Variants in DNM3 observed in about 807,000 individuals in gnomAD.
The protein encoded by DNM3 is dynamin-3.
A neutral mutation model predicts 101.6 loss-of-function variants in DNM3; 47 were observed. The observed-to-expected ratio is 0.46, with a 90% confidence interval of 0.37 to 0.59. The LOEUF is 0.59. Among genes scored for constraint, DNM3 ranks in the 20% least tolerant of loss-of-function variants. DNM3 has a pLI of 0.00. For missense variants in DNM3, 849 were observed against 1,085.7 expected, an observed-to-expected ratio of 0.78 and a Z score of 3.06; for synonymous variants, 385 against 387.9, an observed-to-expected ratio of 0.99 and a Z score of 0.09.
chr1:172,096,106 A>G (rs1558562075), intron 13 of DNM3, among the ~76,000 whole-genome samples: 1 of 152,218 alleles, frequency 6.6e-6, no homozygotes, highest in Non-Finnish European at 1.5e-5. Context: ...CTGACCCTTC[A>G]GGTCTTACTG....
At chr1:172,254,040 C>CAA (rs1344105460) in intron 15 of DNM3, among the ~76,000 whole-genome samples, 1 of 152,076 alleles carries the variant, frequency 6.6e-6, no homozygotes, top group Non-Finnish European at 1.5e-5. Context: ...CTCCTGGGCT[C>CAA]AAGCAATACT....
At chr1:172,351,378 A>T (rs956593365) in intron 17 of DNM3, among the ~76,000 whole-genome samples, 6 of 152,166 alleles carry the variant, frequency 3.9e-5, no homozygotes, top group African/African-American at 1.4e-4. Flanking sequence ...ATTTGTTAAA[A>T]TTTTAATATA....
At chr1:172,270,555 A>G (rs570031669) in intron 15 of DNM3, among the ~76,000 whole-genome samples, 1 of 152,254 alleles carries the variant, frequency 6.6e-6, no homozygotes, top group African/African-American at 2.4e-5. Flanking sequence ...CACATAAATT[A>G]TATTATTCTG....
At chr1:172,127,554 C>A (rs1305796396) in intron 13 of DNM3, among the ~76,000 whole-genome samples, 1 of 151,474 alleles carries the variant, frequency 6.6e-6, no homozygotes, top group Non-Finnish European at 1.5e-5. Flanking sequence ...GGACTACAGG[C>A]ACCCGCCAGC....
intron 1 of DNM3, among the ~76,000 whole-genome samples, chr1:171,879,112 T>C (rs1368836459): frequency 2.6e-5 from 4 of 152,240 alleles, no homozygotes; most frequent in Non-Finnish European, 5.9e-5. Context: ...TGTACTAGTT[T>C]GAATCATTTA....
chr1:172,391,894 C>G (rs2069557796), intron 20 of DNM3, among the ~76,000 whole-genome samples: 1 of 152,274 alleles, frequency 6.6e-6, no homozygotes, highest in South Asian at 2.1e-4. Flanking sequence ...TCAGCATGGG[C>G]TTGTGCATAG....
intron 2 of DNM3, among the ~76,000 whole-genome samples, chr1:171,971,324 C>T (rs981553354): frequency 3.3e-5 from 5 of 152,066 alleles, no homozygotes; most frequent in Non-Finnish European, 7.4e-5. Context: ...TCTACCCTTT[C>T]TATAAATCCT....
At chr1:172,136,679 T>C (rs1490929857) in intron 14 of DNM3, 1 of 152,058 alleles carries the variant, frequency 6.6e-6, no homozygotes, top group African/African-American at 2.4e-5. Flanking sequence ...ATTTATAATT[T>C]TGAAAAAAAG....
intron 4 of DNM3, among the ~76,000 whole-genome samples, chr1:172,015,672 A>G (rs1019611476): frequency 2.0e-5 from 3 of 152,170 alleles, no homozygotes; most frequent in Admixed American, 6.5e-5. Flanking sequence ...GTTTTTGTCA[A>G]TACTTTTGGA....
intron 17 of DNM3, among the ~76,000 whole-genome samples, chr1:172,371,890 T>TTTTATTTATTTA (rs951752069): frequency 3.7e-4 from 54 of 147,800 alleles, no homozygotes; most frequent in African/African-American, 1.3e-3. Flanking sequence ...TTTTTTACTT[T>TTTTATTTATTTA]TTTATTTATT....
At chr1:172,145,808 T>G (rs2057863371) in intron 14 of DNM3, among the ~76,000 whole-genome samples, 1 of 152,222 alleles carries the variant, frequency 6.6e-6, no homozygotes, top group African/African-American at 2.4e-5. Flanking sequence ...GTTTTCATGG[T>G]ATTCTGTGGC....
intron 15 of DNM3, among the ~76,000 whole-genome samples, chr1:172,271,413 A>G (rs1484018832): frequency 2.0e-5 from 3 of 152,156 alleles, no homozygotes; most frequent in African/African-American, 7.2e-5. Flanking sequence ...TACTTTAAAA[A>G]TTATTGAAAA....
At chr1:172,240,158 A>C (rs1000503360) in intron 14 of DNM3, among the ~76,000 whole-genome samples, 8 of 152,142 alleles carry the variant, frequency 5.3e-5, no homozygotes, top group African/African-American at 1.9e-4. Flanking sequence ...CTCTCAGAAT[A>C]CACCTCACAG....
At chr1:171,909,337 G>T (rs772002410) in intron 1 of DNM3, among the ~76,000 whole-genome samples, 6 of 151,944 alleles carry the variant, frequency 3.9e-5, no homozygotes, top group Non-Finnish European at 5.9e-5. Context: ...GGAGGCTGAG[G>T]TGGGAGAATT....
At chr1:172,063,536 C>T (rs1412837504) in intron 10 of DNM3, among the ~76,000 whole-genome samples, 1 of 151,816 alleles carries the variant, frequency 6.6e-6, no homozygotes, top group East Asian at 1.9e-4. Context: ...AAAATATTCT[C>T]CTTGAATTAA....
chr1:171,907,564 T>G (rs2038937110), intron 1 of DNM3, among the ~76,000 whole-genome samples: 1 of 152,148 alleles, frequency 6.6e-6, no homozygotes, highest in African/African-American at 2.4e-5. Flanking sequence ...ACTCCCCATT[T>G]CACATGGAGA....
At chr1:172,044,609 A>G (rs1266015780) in intron 9 of DNM3, among the ~76,000 whole-genome samples, 157 bp downstream of exon 9, 1 of 152,196 alleles carries the variant, frequency 6.6e-6, no homozygotes, top group Non-Finnish European at 1.5e-5. Flanking sequence ...TTTAATGGTA[A>G]CTTCCTGTAT....
intron 17 of DNM3, among the ~76,000 whole-genome samples, chr1:172,325,102 G>C (rs539053560): frequency 6.6e-6 from 1 of 152,206 alleles, no homozygotes; most frequent in South Asian, 2.1e-4. Flanking sequence ...TGTCATATTT[G>C]ATTAAGTTCT....
At chr1:172,123,739 AAAC>A (rs373325737) in intron 13 of DNM3, among the ~76,000 whole-genome samples, 268 of 152,298 alleles carry the variant, frequency 1.8e-3, no homozygotes, top group Middle Eastern at 0.01. Flanking sequence ...CTGAGTGAGG[AAAC>A]AACAAGAGTG....
Sources: allele counts gnomAD v4.1 joint callset (sites outside exome capture counted in the v4.1 genomes callset), GRCh38; gene constraint gnomAD v4.1.1; transcripts MANE v1.5; gene names NCBI Gene and HGNC (gene_info 2026-07-23, HGNC 2026-07-21).